The following TMTC2 variants were observed in gnomAD, a reference collection of about 807,000 sequenced individuals.
TMTC2 encodes the protein protein O-mannosyl-transferase TMTC2.
In TMTC2, 43 loss-of-function variants were observed where a neutral mutation model predicts 82.4. The observed-to-expected ratio is 0.52, with a 90% confidence interval of 0.41 to 0.67. The LOEUF (loss-of-function observed/expected upper bound fraction) is 0.67. Ranked by LOEUF, TMTC2 falls within the 30% of genes least tolerant of loss-of-function variation. The pLI, the probability that TMTC2 is intolerant of heterozygous loss-of-function variation, is 0.00. For synonymous variants in TMTC2, 408 were observed against 381.9 expected, an observed-to-expected ratio of 1.07 and a Z score of -0.80; for missense variants, 919 against 1,012.4, an observed-to-expected ratio of 0.91 and a Z score of 1.25.
intron 1 of TMTC2, among the ~76,000 whole-genome samples, chr12:82,824,993 G>T (rs918408145): frequency 6.6e-6 from 1 of 152,018 alleles, no homozygotes; most frequent in Non-Finnish European, 1.5e-5. Context: ...GGAGCCTGAG[G>T]CAGGGGAATC....
At chr12:82,889,417 T>G (rs1873280927) in intron 2 of TMTC2, among the ~76,000 whole-genome samples, 1 of 152,186 alleles carries the variant, frequency 6.6e-6, no homozygotes, top group Admixed American at 6.5e-5. Flanking sequence ...TTTTAGTTTT[T>G]TCAAATAAGC....
In TMTC2 at chr12:82,806,127, G is replaced by C. The variant is rs567765948; in HGVS notation, c.84-50883G>C. ...AGGGAAGCACTGGGAGGAATTGGAA[G>C]GAAATCTTATTTTGTGCGTTGAGTT... On this transcript the variant is annotated intron_variant, in intron 1 of 11. Transcript: ENST00000321196. Among the ~76,000 whole-genome samples, 4 of 152,236 alleles carry C rather than the reference G, an allele frequency of 2.6e-5. No homozygotes were observed. The South Asian group carries it at 8.3e-4, about 32-fold the overall frequency.
At chr12:82,729,498 G>C (rs4882523) in intron 1 of TMTC2, among the ~76,000 whole-genome samples, 150,648 of 152,326 alleles carry the variant, frequency 0.99, 74,514 homozygotes, top group Middle Eastern at 1. Flanking sequence ...CACTCTGTAT[G>C]TAGCTAATCT....
chr12:82,830,567 A>G (rs1869694953), intron 1 of TMTC2, among the ~76,000 whole-genome samples: 1 of 152,110 alleles, frequency 6.6e-6, no homozygotes, highest in Non-Finnish European at 1.5e-5. Flanking sequence ...CCATGTCCTA[A>G]TGGTATCTTG....
At chr12:83,075,392 A>G (rs997331214) in intron 11 of TMTC2, among the ~76,000 whole-genome samples, 2 of 152,144 alleles carry the variant, frequency 1.3e-5, no homozygotes, top group East Asian at 1.9e-4. Flanking sequence ...CCCATCCTCC[A>G]TGATGATCTC....
intron 1 of TMTC2, among the ~76,000 whole-genome samples, chr12:82,806,057 A>G (rs1879227124): frequency 6.6e-6 from 1 of 152,052 alleles, no homozygotes; most frequent in Admixed American, 6.6e-5. Context: ...CAAAATTCAG[A>G]CAGTGTGGGA....
chr12:82,933,544 A>G (rs1372758507), intron 4 of TMTC2, among the ~76,000 whole-genome samples: 1 of 152,206 alleles, frequency 6.6e-6, no homozygotes, highest in African/African-American at 2.4e-5. Flanking sequence ...CAGTCTTTCT[A>G]GGACACATAA....
chr12:83,132,275 G>T lies in TMTC2; in HGVS notation c.2397G>T (p.Glu799Asp). ...TCAATGGCAGACTCCAGAAGGCCGAGGCCAACTACCTGCGGGCCCTGCAGC... is the reference window on the plus strand; with the variant it reads ...TCAATGGCAGACTCCAGAAGGCCGATGCCAACTACCTGCGGGCCCTGCAGC... ...LHLNGRLQKA[E>D]ANYLRALQLK... The change falls in exon 12 of 12, where the codon GAG becomes GAT. Residue 799 changes from glutamate (E) to aspartate (D), a missense_variant. Glu to Asp is a conservative substitution (Grantham distance 45). Coordinates refer to ENST00000321196, the MANE Select transcript of TMTC2 (RefSeq NM_152588.3). The T allele has an allele frequency of 6.2e-7, 1 of 1,613,952 alleles. No homozygotes were observed. Among genetic ancestry groups the T allele is most frequent in the Non-Finnish European group, 8.5e-7 (1 of 1,179,952 alleles).
At chr12:82,958,748 A>G (rs1877755723) in intron 4 of TMTC2, among the ~76,000 whole-genome samples, 1 of 152,020 alleles carries the variant, frequency 6.6e-6, no homozygotes. Context: ...AAAAACTGGA[A>G]GCATTCTCTT....
At chr12:83,048,388 G>T (rs1183017277) in intron 9 of TMTC2, among the ~76,000 whole-genome samples, 1 of 152,050 alleles carries the variant, frequency 6.6e-6, no homozygotes, top group Non-Finnish European at 1.5e-5. Context: ...ATTTATAAAT[G>T]TAACTTATTT....
intron 2 of TMTC2, among the ~76,000 whole-genome samples, chr12:82,864,353 G>C (rs76328954): frequency 0.033 from 4,981 of 151,988 alleles, 287 homozygotes; most frequent in African/African-American, 0.11. Context: ...GTAGCCACTC[G>C]GGAGTCGGGG....
At chr12:83,036,473 C>T (rs183871497) in intron 9 of TMTC2, among the ~76,000 whole-genome samples, 2,555 of 147,136 alleles carry the variant, frequency 0.017, 77 homozygotes, top group African/African-American at 0.061. Flanking sequence ...TTCTTGTCCC[C>T]GAGTCTTTTT....
At chr12:82,762,856 CA>C (rs572175271) in intron 1 of TMTC2, among the ~76,000 whole-genome samples, 109 of 150,508 alleles carry the variant, frequency 7.2e-4, no homozygotes, top group African/African-American at 2.4e-3. Flanking sequence ...ATTAGTGGAA[CA>C]AAAAAAAGAT....
chr12:83,041,072 C>T (rs1015054038), intron 9 of TMTC2, among the ~76,000 whole-genome samples: 4 of 150,942 alleles, frequency 2.7e-5, no homozygotes, highest in African/African-American at 4.9e-5. Flanking sequence ...TCTGTGCCCC[C>T]TTTTTTTGTG....
intron 1 of TMTC2, among the ~76,000 whole-genome samples, 186 bp downstream of exon 1, chr12:82,687,855 G>A (rs1872400309): frequency 6.6e-6 from 1 of 152,192 alleles, no homozygotes; most frequent in Admixed American, 6.5e-5. Flanking sequence ...TGGGCGGGCC[G>A]AGGGAGTTTC....
intron 11 of TMTC2, among the ~76,000 whole-genome samples, chr12:83,078,405 T>C (rs552981631): frequency 8.5e-5 from 13 of 152,302 alleles, no homozygotes; most frequent in African/African-American, 3.1e-4. Flanking sequence ...CTTTATTCCT[T>C]GAGAAGGATT....
intron 11 of TMTC2, among the ~76,000 whole-genome samples, chr12:83,104,933 G>GA (rs1171170706): frequency 2.0e-5 from 3 of 152,162 alleles, no homozygotes; most frequent in African/African-American, 7.2e-5. Context: ...TCCTGTGTCA[G>GA]AGAGTAGGCT....
chr12:82,703,946 A>G (rs904840063), intron 1 of TMTC2, among the ~76,000 whole-genome samples: 43 of 152,198 alleles, frequency 2.8e-4, no homozygotes, highest in Non-Finnish European at 5.6e-4. Context: ...TATTTTGATT[A>G]TGTGCTGAAT....
At chr12:83,016,529 G>T (rs1054139382) in intron 8 of TMTC2, among the ~76,000 whole-genome samples, 2 of 152,178 alleles carry the variant, frequency 1.3e-5, no homozygotes, top group Non-Finnish European at 2.9e-5. Context: ...GAGTTGGCAT[G>T]ATGTTACACC....
Sources: gnomAD v4.1 joint callset for allele counts (sites outside exome capture counted in the v4.1 genomes callset) on GRCh38, gnomAD v4.1.1 for gene constraint, MANE v1.5 for transcripts, NCBI Gene and HGNC (gene_info 2026-07-23, HGNC 2026-07-21) for gene names.